The following COMMD1 variants were observed in gnomAD, a reference collection of about 807,000 sequenced individuals.
The protein encoded by COMMD1 is COMM domain-containing protein 1.
COMMD1 carries 10 observed loss-of-function variants against 17.2 expected under a neutral mutation model. The ratio of observed to expected loss-of-function variants is 0.58; its 90% CI spans 0.36 to 0.99. The LOEUF (loss-of-function observed/expected upper bound fraction) is 0.99, where lower values mean the gene tolerates loss of function less well. Ranked by LOEUF, COMMD1 falls within the 50% of genes least tolerant of loss-of-function variation. The pLI, the probability that COMMD1 is intolerant of heterozygous loss-of-function variation, is 0.01. For missense variants in COMMD1, 270 were observed against 231.8 expected, an observed-to-expected ratio of 1.17 and a Z score of -1.07; for synonymous variants, 97 against 91.6, an observed-to-expected ratio of 1.06 and a Z score of -0.34.
intron 1 of COMMD1, among the ~76,000 whole-genome samples, chr2:61,943,067 C>T (rs12477865): frequency 0.12 from 17,534 of 152,150 alleles, 2,395 homozygotes; most frequent in African/African-American, 0.33. Context: ...GATTTTATCT[C>T]AGTAGAAAAG....
intron 2 of COMMD1, among the ~76,000 whole-genome samples, chr2:62,095,484 G>T (rs143180541): frequency 1.9e-3 from 282 of 152,050 alleles, no homozygotes; most frequent in African/African-American, 4.3e-3. Context: ...TTTCTGGGTA[G>T]CCCTGGTTAT....
At chr2:62,003,860 G>T (rs1342602533) in intron 2 of COMMD1, among the ~76,000 whole-genome samples, 1 of 152,164 alleles carries the variant, frequency 6.6e-6, no homozygotes, top group Admixed American at 6.5e-5. Context: ...GTTACAGGTT[G>T]CTCGCTTCTG....
chr2:62,007,300 G>T (rs1669149296), intron 2 of COMMD1, among the ~76,000 whole-genome samples: 2 of 151,986 alleles, frequency 1.3e-5, no homozygotes, highest in Admixed American at 6.6e-5. Context: ...TCATTTATAA[G>T]CAATTAGATG....
At chr2:62,015,370 C>T (rs1197367626) in intron 2 of COMMD1, among the ~76,000 whole-genome samples, 1 of 152,194 alleles carries the variant, frequency 6.6e-6, no homozygotes, top group Non-Finnish European at 1.5e-5. Context: ...CTTTTAAAGG[C>T]TGAATAATAT....
At chr2:61,951,029 A>G (rs976485217) in intron 1 of COMMD1, among the ~76,000 whole-genome samples, 1 of 152,138 alleles carries the variant, frequency 6.6e-6, no homozygotes, top group Non-Finnish European at 1.5e-5. Flanking sequence ...GAAGGTGTAG[A>G]TGGTTCTGTT....
intron 2 of COMMD1, among the ~76,000 whole-genome samples, chr2:62,128,464 G>A (rs990699868): frequency 6.6e-6 from 1 of 151,986 alleles, no homozygotes; most frequent in Non-Finnish European, 1.5e-5. Context: ...ATTTCATGAC[G>A]AAATCACCAA....
At chr2:61,925,495 A>G (rs919101921) in intron 1 of COMMD1, among the ~76,000 whole-genome samples, 6 of 152,136 alleles carry the variant, frequency 3.9e-5, no homozygotes, top group African/African-American at 1.4e-4. Flanking sequence ...AGGAGGGTGT[A>G]GGTAAAGTTT....
At chr2:62,011,141 C>T (rs1222101732) in intron 2 of COMMD1, among the ~76,000 whole-genome samples, 2 of 150,916 alleles carry the variant, frequency 1.3e-5, no homozygotes, top group African/African-American at 4.9e-5. Context: ...TTTTAATCAC[C>T]TTCTCATTAG....
intron 1 of COMMD1, among the ~76,000 whole-genome samples, chr2:61,915,006 CTTT>C (rs112968937): frequency 1.7e-4 from 23 of 133,162 alleles, no homozygotes; most frequent in Non-Finnish European, 2.4e-4. Flanking sequence ...CTTTTCTTTC[CTTT>C]TTTTTTTTTT....
At chr2:62,078,136 G>A (rs182286253) in intron 2 of COMMD1, among the ~76,000 whole-genome samples, 2 of 150,728 alleles carry the variant, frequency 1.3e-5, no homozygotes, top group African/African-American at 2.4e-5. Flanking sequence ...TTAGCTGGGC[G>A]TGGTGGCAGG....
intron 1 of COMMD1, among the ~76,000 whole-genome samples, chr2:61,895,561 A>G (rs961601284): frequency 1.3e-5 from 2 of 152,194 alleles, no homozygotes; most frequent in African/African-American, 4.8e-5. Flanking sequence ...AGACCCTGCA[A>G]CAGCTCTAAG....
intron 2 of COMMD1, among the ~76,000 whole-genome samples, chr2:62,065,209 T>C (rs1670996766): frequency 6.6e-6 from 1 of 151,968 alleles, no homozygotes; most frequent in Non-Finnish European, 1.5e-5. Flanking sequence ...TTTTCCTGGG[T>C]AAGTAGGCGA....
chr2:62,042,894 C>T (rs536708933), intron 2 of COMMD1, among the ~76,000 whole-genome samples: 1 of 152,348 alleles, frequency 6.6e-6, no homozygotes, highest in Non-Finnish European at 1.5e-5. Context: ...CAGCCTTTGT[C>T]TCTGAAGGTA....
intron 2 of COMMD1, among the ~76,000 whole-genome samples, chr2:62,124,231 G>A (rs772201294): frequency 9.2e-5 from 14 of 152,116 alleles, no homozygotes; most frequent in Admixed American, 5.2e-4. Context: ...CCTGGGAGGC[G>A]GAGGTTGCAG....
chr2:62,015,209 C>A (rs1391126143), intron 2 of COMMD1, among the ~76,000 whole-genome samples: 1 of 152,160 alleles, frequency 6.6e-6, no homozygotes, highest in East Asian at 1.9e-4. Flanking sequence ...CCCTGGTAAC[C>A]TCTTTTCTAC....
chr2:61,930,654 T>A (rs1011129015), intron 1 of COMMD1, among the ~76,000 whole-genome samples: 6 of 143,710 alleles, frequency 4.2e-5, no homozygotes, highest in South Asian at 2.3e-4. Context: ...TGTGTGTGTG[T>A]GTGAGTGAGT....
At chr2:62,111,300 T>C (rs1344055497) in intron 2 of COMMD1, among the ~76,000 whole-genome samples, 1 of 152,216 alleles carries the variant, frequency 6.6e-6, no homozygotes, top group Non-Finnish European at 1.5e-5. Flanking sequence ...GAGAAAAGCA[T>C]AATAAATTTA....
intron 2 of COMMD1, among the ~76,000 whole-genome samples, chr2:62,007,965 T>C (rs1669169443): frequency 6.6e-6 from 1 of 152,146 alleles, no homozygotes; most frequent in African/African-American, 2.4e-5. Context: ...GCAGATTACT[T>C]GAGCCCAGGT....
intron 1 of COMMD1, among the ~76,000 whole-genome samples, chr2:61,966,412 T>C (rs896131353): frequency 1.3e-5 from 2 of 151,992 alleles, no homozygotes; most frequent in African/African-American, 4.8e-5. Flanking sequence ...TTAAAATATG[T>C]AAATTTGTTA....
Sources: allele counts gnomAD v4.1 joint callset (sites outside exome capture counted in the v4.1 genomes callset), GRCh38; gene constraint gnomAD v4.1.1; transcripts MANE v1.5; gene names NCBI Gene and HGNC (gene_info 2026-07-23, HGNC 2026-07-21).